The following MRPL34 variants were observed in gnomAD, a reference collection of about 807,000 sequenced individuals.
MRPL34 encodes the protein mitochondrial ribosomal protein L34.
Under a neutral mutation model 6.7 loss-of-function variants are expected in MRPL34, and 8 were observed. The observed-to-expected ratio is 1.20, with a 90% CI of 0.70 to 2.16. MRPL34 has a LOEUF of 2.16. Ranked by LOEUF, MRPL34 falls within the 30% of genes most tolerant of loss-of-function variation. MRPL34 has a pLI of 0.00. For synonymous variants in MRPL34, 59 were observed against 55.1 expected (o/e 1.07, Z -0.31); for missense variants, 146 against 125.5 (o/e 1.16, Z -0.78).
chr19:17,306,247 CG>C lies in MRPL34; in HGVS notation c.150del (p.Asn51MetfsTer20). ...TPQQARGKAR[G>X]NEYQPSNIKR... is the part of the protein sequence containing the mutation. ...CGCAGCAGGCCCGGGGCAAGGCTCG[CG>C]GGAATGAGTATCAGCCGAGCAACAT... is the stretch of plus-strand genomic sequence containing the variant. On this transcript the variant is annotated frameshift_variant, in exon 2 of 2. Coordinates refer to ENST00000252602, the MANE Select transcript of MRPL34 (RefSeq NM_023937.4). LOFTEE classifies it high-confidence loss of function. The C allele has an allele frequency of 6.3e-7, 1 of 1,589,452 alleles. No individual in the cohort carries two copies. Among genetic ancestry groups the C allele is most frequent in the Non-Finnish European group, 8.6e-7 (1 of 1,168,658 alleles).
At chr19:17,301,197 G>A (rs776062813), upstream of MRPL34, 2 of 1,601,406 alleles carry the variant, frequency 1.2e-6, no homozygotes, top group Non-Finnish European at 1.7e-6. Flanking sequence ...TGCCACTGCC[G>A]CTGCCGCTGC....
chr19:17,304,658 G>T (rs1422809652), upstream of MRPL34, among the ~76,000 whole-genome samples: 1 of 152,272 alleles, frequency 6.6e-6, no homozygotes, highest in Admixed American at 6.5e-5. Flanking sequence ...CTCTCTGCAT[G>T]AACCCCAAGC....
At chr19:17,302,642 G>C (rs1263688829), upstream of MRPL34, among the ~76,000 whole-genome samples, 1 of 152,214 alleles carries the variant, frequency 6.6e-6, no homozygotes, top group African/African-American at 2.4e-5. Flanking sequence ...GACACTCTGA[G>C]AGGAAGCTAG....
At chr19:17,301,300 C>G, upstream of MRPL34, 1 of 1,607,280 alleles carries the variant, frequency 6.2e-7, no homozygotes, top group Non-Finnish European at 8.5e-7. Flanking sequence ...GCCATTCTGC[C>G]CGTGTAGGAG....
At chr19:17,294,562 GC>G in intron 1 of MRPL34, 1 of 1,609,970 alleles carries the variant, frequency 6.2e-7, no homozygotes, top group Non-Finnish European at 8.5e-7. Context: ...GCCGTGGGGT[GC>G]CCCCGATGCC....
Position 17,306,176 on chromosome 19 carries a change from C to T in MRPL34, c.76C>T (p.Pro26Ser), listed in dbSNP as rs1463138250. ...CCTCTACCCACGCAGGTGGCTCCAG[C>T]CCCGGGCCTGGCTGGGGTTCCCAGA... ...AALLGGRWLQ[P>S]RAWLGFPDAW... The change falls in exon 2 of 2, where the codon CCC (proline) becomes TCC (serine). Residue 26 changes from proline (P) to serine (S), a missense_variant. By Grantham distance (74) the Pro-to-Ser change is moderately conservative (BLOSUM62 -1). Transcript: ENST00000252602. 2.0e-6 allele frequency: 3 copies of T among 1,530,316 alleles called. No individual in the cohort carries two copies. The highest frequency in any genetic ancestry group is 1.2e-5 in the South Asian group (1 of 81,842). The allele number at this position is 1,530,316 out of a possible 1,614,324, so 94.8% of individuals were successfully genotyped here. A position where few individuals can be genotyped will look rare whatever the true frequency, so the allele number is the denominator to read the frequency against.
At chr19:17,305,612 C>G (rs2074141927), upstream of MRPL34, 1 of 483,846 alleles carries the variant, frequency 2.1e-6, no homozygotes, top group Non-Finnish European at 3.8e-6. Context: ...CAGCTGCCAG[C>G]TGACCGCGGG....
At chr19:17,299,581 A>T (rs1163268432), upstream of MRPL34, among the ~76,000 whole-genome samples, 2 of 150,788 alleles carry the variant, frequency 1.3e-5, no homozygotes, top group Non-Finnish European at 3.0e-5. Flanking sequence ...AAAAAAAAAA[A>T]AATTAAGGCT....
At chr19:17,303,956 C>T (rs1278176536), upstream of MRPL34, among the ~76,000 whole-genome samples, 3 of 151,896 alleles carry the variant, frequency 2.0e-5, no homozygotes, top group Non-Finnish European at 2.9e-5. Context: ...CTAACCTCCC[C>T]CCTACGCCCC....
At chr19:17,295,090 ATTTTTTT>A (rs779607230) in intron 1 of MRPL34, among the ~76,000 whole-genome samples, 6 of 80,416 alleles carry the variant, frequency 7.5e-5, no homozygotes, top group South Asian at 5.3e-4. Context: ...CACCCAGGTA[ATTTTTTT>A]TTTTTTTTTT....
At chr19:17,301,896 C>G (rs1057238214), upstream of MRPL34, among the ~76,000 whole-genome samples, 1 of 151,916 alleles carries the variant, frequency 6.6e-6, no homozygotes, top group Non-Finnish European at 1.5e-5. Context: ...TGGGTTCAAG[C>G]GATTCTCTTG....
chr19:17,294,152 G>C, intron 1 of MRPL34: 2 of 1,080,506 alleles, frequency 1.9e-6, no homozygotes, highest in Non-Finnish European at 1.3e-6. Context: ...TAGAGGCCAC[G>C]CCCACCCGGC....
upstream of MRPL34, chr19:17,305,852 C>A (rs372416575): frequency 1.2e-6 from 2 of 1,603,920 alleles, no homozygotes; most frequent in Admixed American, 3.3e-5. Flanking sequence ...CTCTGGGCTC[C>A]GGAATCGCCC....
chr19:17,292,658 C>T, exon 1 of MRPL34: 1 of 1,606,106 alleles, frequency 6.2e-7, no homozygotes, highest in African/African-American at 1.3e-5. Flanking sequence ...GCCGGCCCAG[C>T]GGCTACTTCT....
upstream of MRPL34, chr19:17,301,460 G>C (rs2074118253): frequency 1.2e-6 from 2 of 1,611,570 alleles, no homozygotes; most frequent in African/African-American, 1.3e-5. Flanking sequence ...GCAGCGGCTG[G>C]GGCGGGTCCT....
upstream of MRPL34, among the ~76,000 whole-genome samples, chr19:17,300,229 A>G (rs533464683): frequency 1.3e-5 from 2 of 149,838 alleles, no homozygotes; most frequent in South Asian, 2.1e-4. Context: ...AAAGAGCGAC[A>G]GGTTCTTGCC....
intron 1 of MRPL34, among the ~76,000 whole-genome samples, chr19:17,295,121 C>T (rs1229470712): frequency 1.4e-5 from 1 of 69,170 alleles, no homozygotes; most frequent in African/African-American, 6.2e-5. Context: ...TTTTTTGAGA[C>T]GGAGTCTCGC....
intron 1 of MRPL34, chr19:17,297,854 C>T (rs2074100316): frequency 6.6e-6 from 1 of 151,544 alleles, no homozygotes; most frequent in African/African-American, 2.4e-5. Context: ...CCTCAGCTTC[C>T]CAAAGTGTTG....
upstream of MRPL34, chr19:17,305,692 A>G (rs964362373): frequency 3.2e-6 from 2 of 634,890 alleles, no homozygotes; most frequent in Non-Finnish European, 5.6e-6. Context: ...GTGTGTATGC[A>G]GAGCATCCCT....
Sources: gnomAD v4.1 joint callset for allele counts (sites outside exome capture counted in the v4.1 genomes callset) on GRCh38, gnomAD v4.1.1 for gene constraint, MANE v1.5 for transcripts, NCBI Gene and HGNC (gene_info 2026-07-23, HGNC 2026-07-21) for gene names.